PRTG: variants seen among roughly 807,000 people sequenced by gnomAD.
PRTG encodes the protein immunoglobulin superfamily, DCC subclass, member 5.
Under a neutral mutation model 122.5 loss-of-function variants are expected in PRTG, and 67 were observed. The ratio of observed to expected loss-of-function variants is 0.55; its 90% confidence interval spans 0.45 to 0.67. PRTG has a LOEUF of 0.67. PRTG is among the 30% of genes least tolerant of loss of function. The pLI is 0.00. For missense variants in PRTG, 1,435 were observed against 1,415.4 expected, an observed-to-expected ratio of 1.01 and a Z score of -0.22; for synonymous variants, 554 against 501.1, an observed-to-expected ratio of 1.11 and a Z score of -1.41.
At chr15:55,717,287 T>C (rs1283284270) in intron 2 of PRTG, among the ~76,000 whole-genome samples, 1 of 152,196 alleles carries the variant, frequency 6.6e-6, no homozygotes, top group Admixed American at 6.5e-5. Context: ...CCTACTAAAA[T>C]ATTTCAAAAT....
intron 11 of PRTG, among the ~76,000 whole-genome samples, chr15:55,665,900 G>A (rs192174659): frequency 9.2e-5 from 14 of 152,208 alleles, no homozygotes; most frequent in African/African-American, 1.4e-4. Context: ...TTTGTGACAC[G>A]TCAAAATTAT....
chr15:55,635,149 T>C (rs2059250995), intron 15 of PRTG, among the ~76,000 whole-genome samples: 1 of 151,982 alleles, frequency 6.6e-6, no homozygotes, highest in Admixed American at 6.6e-5. Flanking sequence ...TGAAGTGCTG[T>C]GGCACAGTCT....
intron 17 of PRTG, 75 bp downstream of exon 17, chr15:55,626,933 G>T: frequency 7.1e-7 from 1 of 1,410,870 alleles, no homozygotes; most frequent in South Asian, 1.4e-5. Flanking sequence ...AAAGGCACTT[G>T]ACTTTCATTT....
chr15:55,737,998 CTCTCTATATA>C (rs1167932481), intron 2 of PRTG, among the ~76,000 whole-genome samples: 5 of 65,306 alleles, frequency 7.7e-5, no homozygotes, highest in African/African-American at 1.4e-4. Context: ...CTCTCTCTCT[CTCTCTATATA>C]TATATATATA....
At chr15:55,652,220 TA>T (rs1340581527) in intron 11 of PRTG, among the ~76,000 whole-genome samples, 1 of 151,998 alleles carries the variant, frequency 6.6e-6, no homozygotes, top group Non-Finnish European at 1.5e-5. Context: ...TATGCAAAAG[TA>T]GGTAGCAATC....
In PRTG at chr15:55,612,737, T is replaced by TATATATATATATATATATAC. The variant is rs1567067860; in HGVS notation, c.*7274_*7275insGTATATATATATATATATAT. On this transcript the variant is annotated 3_prime_UTR_variant, in exon 20 of 20. Transcript: ENST00000389286. ...ATATATATATATATATATATATATA[T>TATATATATATATATATATAC]ATATATATATATGACTTAAATTGGA... The TATATATATATATATATATAC allele has an allele frequency of 1.1e-4, 6 of 54,322 alleles. 1 individual carries two copies. The highest frequency in any genetic ancestry group is 2.8e-4 in the African/African-American group (6 of 21,678). 3.4% of individuals were successfully genotyped at this position (54,322 alleles called of 1,614,324 possible).
At chr15:55,717,412 G>A (rs189899105) in intron 2 of PRTG, among the ~76,000 whole-genome samples, 8 of 152,250 alleles carry the variant, frequency 5.3e-5, no homozygotes, top group African/African-American at 1.7e-4. Flanking sequence ...TTTTAACCAT[G>A]CCTCTCCAGT....
chr15:55,665,511 T>G (rs1595631452), intron 11 of PRTG, among the ~76,000 whole-genome samples: 1 of 151,722 alleles, frequency 6.6e-6, no homozygotes, highest in Non-Finnish European at 1.5e-5. Flanking sequence ...TTTTTTGTTT[T>G]TTTTTTTTTT....
chr15:55,683,120 T>G (rs995116933), intron 3 of PRTG, among the ~76,000 whole-genome samples: 2 of 152,114 alleles, frequency 1.3e-5, no homozygotes, highest in African/African-American at 4.8e-5. Context: ...TAGTATAATT[T>G]TTTTCAAATT....
chr15:55,727,212 A>G (rs2031066551), intron 2 of PRTG, among the ~76,000 whole-genome samples: 1 of 152,082 alleles, frequency 6.6e-6, no homozygotes, highest in Admixed American at 6.5e-5. Context: ...AATCAGGAAA[A>G]TGAAAAATTT....
chr15:55,736,780 GA>G (rs2031426341), intron 2 of PRTG, among the ~76,000 whole-genome samples: 1 of 152,078 alleles, frequency 6.6e-6, no homozygotes. Flanking sequence ...GAAAATCAAA[GA>G]AATATAAGCT....
At chr15:55,738,775 G>C (rs1423840407) in intron 2 of PRTG, 1 of 262,104 alleles carries the variant, frequency 3.8e-6, no homozygotes, top group Non-Finnish European at 7.1e-6. Flanking sequence ...AGGAAGAAGA[G>C]AGGGAGGGAG....
chr15:55,671,919 C>T (rs1237166941), intron 11 of PRTG, among the ~76,000 whole-genome samples: 4 of 152,168 alleles, frequency 2.6e-5, no homozygotes, highest in African/African-American at 4.8e-5. Flanking sequence ...AGAACACTGA[C>T]GAACTCAAAT....
chr15:55,638,432 A>G (rs1192221646), intron 14 of PRTG, 117 bp downstream of exon 14: 1 of 650,562 alleles, frequency 1.5e-6, no homozygotes, highest in Non-Finnish European at 2.4e-6. Flanking sequence ...ACAAATACAT[A>G]TATCAAGTGG....
At chr15:55,698,461 TTG>T (rs761897809) in intron 2 of PRTG, among the ~76,000 whole-genome samples, 6 of 152,052 alleles carry the variant, frequency 3.9e-5, no homozygotes, top group Non-Finnish European at 8.8e-5. Context: ...TGGCTAATTT[TTG>T]TGTTTGTGAT....
chr15:55,672,566 T>C lies in PRTG; in HGVS notation c.1920A>G (p.Gln640=). The change falls in exon 11 of 20, where the codon CAA becomes CAG. Residue 640 remains glutamine (Q), a synonymous_variant. Coordinates refer to ENST00000389286, the MANE Select transcript of PRTG (RefSeq NM_173814.6). Reference sequence around the variant, plus strand: ...GAATAGCAGCTGTGTCCTCTACATCTTGCTGCCACCTCACAGAAATGGTGG... The same window carrying C: ...GAATAGCAGCTGTGTCCTCTACATCCTGCTGCCACCTCACAGAAATGGTGG... ...NCTTISVRWQ[Q]DVEDTAAIQG... 1.2e-6 allele frequency: 2 copies of C among 1,614,068 alleles called. No homozygotes were observed. The highest frequency in any genetic ancestry group is 2.7e-5 in the African/African-American group (2 of 75,042).
At chr15:55,709,861 G>T (rs1283443649) in intron 2 of PRTG, among the ~76,000 whole-genome samples, 1 of 152,184 alleles carries the variant, frequency 6.6e-6, no homozygotes, top group South Asian at 2.1e-4. Context: ...GGGGAGGAGG[G>T]AGGGACTCCA....
At chr15:55,679,920 C>A in intron 6 of PRTG, 134 bp downstream of exon 6, 2 of 701,652 alleles carry the variant, frequency 2.9e-6, no homozygotes, top group Non-Finnish European at 4.6e-6. Context: ...TTGTTTTTTC[C>A]TGAAATTCAT....
rs550836832 is a variant in PRTG at position 55,691,630 on chromosome 15, G to A, written c.398-7699C>T. On this transcript the variant is annotated intron_variant, in intron 2 of 19. Coordinates refer to ENST00000389286, the MANE Select transcript of PRTG (RefSeq NM_173814.6). ...CGGGAGGCGGAGGTTGCAGTGAGCCGAGATCGTGCCACTGTATTCCAGCCT... is the reference window on the plus strand; with the variant it reads ...CGGGAGGCGGAGGTTGCAGTGAGCCAAGATCGTGCCACTGTATTCCAGCCT... 1.7e-3 allele frequency among the ~76,000 whole-genome samples: 250 copies of A among 149,610 alleles called. 6 individuals are homozygous for A. Among genetic ancestry groups the A allele is most frequent in the African/African-American group, 4.4e-3 (177 of 40,450 alleles).
Sources: allele counts gnomAD v4.1 joint callset (sites outside exome capture counted in the v4.1 genomes callset), GRCh38; gene constraint gnomAD v4.1.1; transcripts MANE v1.5; gene names NCBI Gene and HGNC (gene_info 2026-07-23, HGNC 2026-07-21).